CEBPZOS: variants seen among roughly 807,000 people sequenced by gnomAD.
The protein encoded by CEBPZOS is CEBPZ opposite strand, also known as protein CEBPZOS.
CEBPZOS carries 10 observed loss-of-function variants against 4.8 expected under a neutral mutation model. The ratio of observed to expected loss-of-function variants is 2.07; its 90% CI spans 1.28 to 3.52. The LOEUF is 3.52. Among genes scored for constraint, CEBPZOS ranks in the 30% most tolerant of loss-of-function variants. The probability of loss-of-function intolerance (pLI) is 0.00; values close to 1 mark genes in which losing one functional copy is unlikely to be tolerated. For missense variants in CEBPZOS, 98 were observed against 43.6 expected (o/e 2.25, Z -3.51); for synonymous variants, 25 against 14.2 (o/e 1.77, Z -1.72).
rs1192497942 is a variant in CEBPZOS, at chr2:37,204,308, T to C, written c.*2448T>C. On this transcript the variant is annotated 3_prime_UTR_variant, in exon 5 of 5. Coordinates refer to ENST00000402297, the MANE Select transcript of CEBPZOS (RefSeq NM_001322374.2). ...TTTTTTTTTTTTTTGAGACAGAGTCTCGCTTTGTCGCCAGGCTGGAGTACA... is the reference window on the plus strand; with the variant it reads ...TTTTTTTTTTTTTTGAGACAGAGTCCCGCTTTGTCGCCAGGCTGGAGTACA... The C allele has an allele frequency of 6.9e-6, 1 of 144,672 alleles. No individual in the cohort carries two copies. The highest frequency in any genetic ancestry group is 1.5e-5 in the Non-Finnish European group (1 of 66,666). 9.0% of individuals were successfully genotyped at this position (144,672 alleles called of 1,614,324 possible).
chr2:37,216,048 A>C, downstream of CEBPZOS: 1 of 969,456 alleles, frequency 1.0e-6, no homozygotes, highest in Non-Finnish European at 1.5e-6. Context: ...CTCAGGTTTT[A>C]TTCTGATAAA....
chr2:37,200,661 GAA>G (rs59736571), intron 2 of CEBPZOS, among the ~76,000 whole-genome samples: 46 of 147,542 alleles, frequency 3.1e-4, no homozygotes, highest in Admixed American at 1.3e-3. Context: ...TGTATCTTAA[GAA>G]AAAAAAAAAA....
intron 1 of CEBPZOS, 68 bp from the exon 2 acceptor site, chr2:37,199,636 T>C: frequency 1.2e-5 from 8 of 678,718 alleles, no homozygotes; most frequent in South Asian, 9.5e-5. Flanking sequence ...ATTTGAGTTA[T>C]TAGAGAAATG....
rs1558460033 is a variant in CEBPZOS at position 37,199,688 on chromosome 2, CTG to C, written c.-1-14_-1-13del. On this transcript the variant is annotated splice_polypyrimidine_tract_variant and intron_variant, in intron 1 of 4. Transcript: ENST00000402297. ...TATGTTCATTCAGGTTTACACATAT[CTG>C]TTGTTAAATTTAGGATGGCCCGTAC... The C allele has an allele frequency of 1.4e-6, 1 of 715,322 alleles. No individual in the cohort carries two copies. The highest frequency in any genetic ancestry group is 2.6e-6 in the Non-Finnish European group (1 of 384,046). 44.3% of individuals were successfully genotyped at this position (715,322 alleles called of 1,614,324 possible). A position where few individuals can be genotyped will look rare whatever the true frequency, so the allele number is the denominator to read the frequency against.
At chr2:37,201,141 A>C (rs757647710) in intron 3 of CEBPZOS, 49 bp downstream of exon 3, 2 of 701,582 alleles carry the variant, frequency 2.9e-6, no homozygotes, top group Admixed American at 2.2e-5. Flanking sequence ...TTCTTCAGGT[A>C]ACCTATAAAT....
chr2:37,198,938 G>T (rs1026946191), intron 1 of CEBPZOS, among the ~76,000 whole-genome samples: 1 of 152,132 alleles, frequency 6.6e-6, no homozygotes, highest in Non-Finnish European at 1.5e-5. Flanking sequence ...CGGATTGCTT[G>T]AGCTCACGGG....
chr2:37,212,631 G>C, intron 4 of CEBPZOS: 1 of 518,454 alleles, frequency 1.9e-6, no homozygotes, highest in Non-Finnish European at 3.4e-6. Context: ...TCTTTCTACA[G>C]TTCTTTTATG....
chr2:37,210,006 C>T (rs1677668630), intron 4 of CEBPZOS: 1 of 152,030 alleles, frequency 6.6e-6, no homozygotes, highest in Admixed American at 6.6e-5. Context: ...TACAAATGGT[C>T]AAGAAACATA....
At position 37,203,068 on chromosome 2, in the gene CEBPZOS, C is replaced by G; in HGVS notation, c.*1208C>G. On this transcript the variant is annotated 3_prime_UTR_variant, in exon 5 of 5. Transcript: ENST00000402297. The stretch of plus-strand genomic sequence containing the variant: ...TAAATCTAATGATTTTAGAAAAATG[C>G]AATGCAACATGATTTTATTTTAAAA... 9.0e-7 allele frequency: 1 copy of G among 1,117,194 alleles called. No homozygotes were observed. 69.2% of individuals were successfully genotyped at this position (1,117,194 alleles called of 1,614,324 possible).
chr2:37,210,883 AC>A lies in CEBPZOS; in HGVS notation c.*3-2546del, dbSNP rs984145741. 252 of 437,958 alleles carry A rather than the reference AC, an allele frequency of 5.8e-4. 1 individual carries two copies. The highest frequency in any genetic ancestry group is 3.5e-3 in the African/African-American group (168 of 48,106). 27.1% of individuals were successfully genotyped at this position (437,958 alleles called of 1,614,324 possible). A position where few individuals can be genotyped will look rare whatever the true frequency, so the allele number is the denominator to read the frequency against. On this transcript the variant is annotated intron_variant, in intron 4 of 4. Coordinates refer to the CEBPZOS transcript ENST00000397064. ...CCACTTAACATCTTTCTTAAAAAGA[AC>A]CCCCCCCACCCCTGAATTTTATTAA...
At chr2:37,198,135 G>C (rs1677039777) in intron 1 of CEBPZOS, among the ~76,000 whole-genome samples, 1 of 151,952 alleles carries the variant, frequency 6.6e-6, no homozygotes, top group South Asian at 2.1e-4. Flanking sequence ...ACTCCAGCCT[G>C]GGCGACAGAG....
chr2:37,199,915 G>A, intron 2 of CEBPZOS, 96 bp downstream of exon 2: 1 of 639,748 alleles, frequency 1.6e-6, no homozygotes, highest in Non-Finnish European at 2.9e-6. Flanking sequence ...GGAGAAATTG[G>A]TTCTTCAGAT....
At chr2:37,216,069 G>T, downstream of CEBPZOS, 2 of 1,138,586 alleles carry the variant, frequency 1.8e-6, no homozygotes, top group Non-Finnish European at 2.6e-6. Context: ...TTAGAACAAA[G>T]AATAATACAA....
At chr2:37,215,061 T>C (rs544186410), downstream of CEBPZOS, 40 of 752,760 alleles carry the variant, frequency 5.3e-5, no homozygotes, top group Non-Finnish European at 8.3e-5. Flanking sequence ...AATCTCAGAA[T>C]TGTGTGGGAA....
intron 4 of CEBPZOS, chr2:37,211,941 A>C: frequency 6.2e-7 from 1 of 1,613,798 alleles, no homozygotes; most frequent in Non-Finnish European, 8.5e-7. Context: ...TCCTAAAGAA[A>C]CTTCATCGTC....
chr2:37,196,699 T>C (rs1676957682), intron 1 of CEBPZOS, 179 bp downstream of exon 1: 1 of 152,414 alleles, frequency 6.6e-6, no homozygotes, highest in Non-Finnish European at 1.5e-5. Context: ...TAGGCGGCCG[T>C]GGTCTGGCGG....
Position 37,202,806 on chromosome 2 carries a change from G to A in CEBPZOS, c.*946G>A. On this transcript the variant is annotated 3_prime_UTR_variant, in exon 5 of 5. Transcript: ENST00000402297. ...TACTTGCATTATCTTTGTTAGCCAT[G>A]GCATTCATGCCAATGTTATCAAACT... 1.3e-6 allele frequency: 2 copies of A among 1,586,092 alleles called. No individual in the cohort carries two copies. Among genetic ancestry groups the A allele is most frequent in the African/African-American group, 2.7e-5 (2 of 73,692 alleles).
At chr2:37,205,879 CAGAA>C (rs1339163001), downstream of CEBPZOS, among the ~76,000 whole-genome samples, 3 of 151,788 alleles carry the variant, frequency 2.0e-5, no homozygotes, top group Non-Finnish European at 4.4e-5. Context: ...AAACAATTAG[CAGAA>C]AGAAGAGTTC....
At chr2:37,200,345 T>C (rs1677157495) in intron 2 of CEBPZOS, among the ~76,000 whole-genome samples, 1 of 152,172 alleles carries the variant, frequency 6.6e-6, no homozygotes, top group East Asian at 1.9e-4. Flanking sequence ...GATTTTTCCC[T>C]AAAACAGGGA....
Sources: allele counts gnomAD v4.1 joint callset (sites outside exome capture counted in the v4.1 genomes callset), GRCh38; gene constraint gnomAD v4.1.1; transcripts MANE v1.5; gene names NCBI Gene and HGNC (gene_info 2026-07-23, HGNC 2026-07-21).